The following PDE4D variants were observed in gnomAD, a reference collection of about 807,000 sequenced individuals.
The protein encoded by PDE4D is phosphodiesterase 4D, also known as 3',5'-cyclic-AMP phosphodiesterase 4D.
PDE4D carries 24 observed loss-of-function variants against 87.4 expected under a neutral mutation model. That is an observed-to-expected ratio of 0.27 (90% CI 0.20 to 0.39). The LOEUF is 0.39. PDE4D is among the 10% of genes least tolerant of loss of function. PDE4D has a pLI of 1.00. For missense variants in PDE4D, 714 were observed against 1,041.0 expected (o/e 0.69, Z 4.32); for synonymous variants, 384 against 383.2 (o/e 1.00, Z -0.02).
intron 1 of PDE4D, among the ~76,000 whole-genome samples, chr5:59,461,571 A>T (rs897761980): frequency 6.6e-6 from 1 of 152,182 alleles, no homozygotes; most frequent in African/African-American, 2.4e-5. Flanking sequence ...ATCAGTTAAG[A>T]ACAATGCAAG....
chr5:60,039,604 AT>A (rs1299230004), intron 2 of PDE4D, among the ~76,000 whole-genome samples: 13 of 151,800 alleles, frequency 8.6e-5, no homozygotes, highest in South Asian at 2.1e-4. Context: ...AAGAAAAAAA[AT>A]AAAAAAAATA....
At chr5:59,406,372 CCTT>C in intron 1 of PDE4D, among the ~76,000 whole-genome samples, 1 of 88,888 alleles carries the variant, frequency 1.1e-5, no homozygotes, top group Non-Finnish European at 2.5e-5. Context: ...GTAACGTCTC[CCTT>C]ATCTTTCCTT....
chr5:59,488,121 G>A (rs968367418), intron 1 of PDE4D, among the ~76,000 whole-genome samples: 14 of 146,148 alleles, frequency 9.6e-5, no homozygotes, highest in East Asian at 4.0e-4. Context: ...CTATTTACCC[G>A]TGGAGACAGA....
At chr5:59,610,258 G>T (rs1214447644) in intron 1 of PDE4D, among the ~76,000 whole-genome samples, 2 of 152,186 alleles carry the variant, frequency 1.3e-5, no homozygotes, top group African/African-American at 4.8e-5. Context: ...AGTTACTGAG[G>T]TTTATGCTGG....
chr5:60,249,475 C>T (rs1420532476), intron 1 of PDE4D, among the ~76,000 whole-genome samples: 2 of 151,892 alleles, frequency 1.3e-5, no homozygotes, highest in African/African-American at 4.8e-5. Context: ...AATCATTTTC[C>T]AAGACACCTC....
intron 5 of PDE4D, among the ~76,000 whole-genome samples, chr5:59,173,938 A>G (rs1783418342): frequency 6.6e-6 from 1 of 152,160 alleles, no homozygotes; most frequent in Admixed American, 6.5e-5. Context: ...TTTTTAAAAA[A>G]CTATATATAC....
At chr5:59,972,040 G>A (rs142207702) in intron 3 of PDE4D, among the ~76,000 whole-genome samples, 198 of 152,242 alleles carry the variant, frequency 1.3e-3, no homozygotes, top group African/African-American at 4.3e-3. Context: ...ACTGCTCTTC[G>A]CCACACTGTC....
chr5:59,805,770 G>C (rs191786576), intron 1 of PDE4D, among the ~76,000 whole-genome samples: 1 of 152,212 alleles, frequency 6.6e-6, no homozygotes, highest in Non-Finnish European at 1.5e-5. Context: ...AGTTTCTGAC[G>C]ATGCAAGGCA....
At position 59,178,851 on chromosome 5, in the gene PDE4D, T is replaced by C. The variant is rs147596441; in HGVS notation, c.808+1744A>G. On this transcript the variant is annotated intron_variant, in intron 5 of 14. Transcript: ENST00000340635. ...GGGGGTTGAGGGTAGTTCCTCTTGA[T>C]AGGGGTCAGATTTAGTGCCTGGAGC... Among the ~76,000 whole-genome samples the C allele has an allele frequency of 1.5e-3, 234 of 152,228 alleles. 1 individual carries two copies. The highest frequency in any genetic ancestry group is 5.4e-3 in the African/African-American group (225 of 41,544).
At chr5:59,136,027 T>TTAA (rs1424046235) in intron 5 of PDE4D, among the ~76,000 whole-genome samples, 1 of 149,284 alleles carries the variant, frequency 6.7e-6, no homozygotes, top group East Asian at 2.0e-4. Flanking sequence ...GACTAAATGA[T>TTAA]AAAAAAAAAA....
intron 1 of PDE4D, among the ~76,000 whole-genome samples, chr5:60,481,238 T>C (rs1039263409): frequency 3.9e-5 from 6 of 152,166 alleles, no homozygotes; most frequent in African/African-American, 1.4e-4. Context: ...AGGACTAAAA[T>C]TGGTTTGACA....
At chr5:60,046,101 C>A (rs939986785) in intron 2 of PDE4D, among the ~76,000 whole-genome samples, 4 of 152,094 alleles carry the variant, frequency 2.6e-5, no homozygotes, top group Non-Finnish European at 5.9e-5. Flanking sequence ...AAGTTGGATT[C>A]CTAGGTATTT....
At chr5:59,263,335 A>G (rs1445954) in intron 1 of PDE4D, among the ~76,000 whole-genome samples, 42,028 of 151,630 alleles carry the variant, frequency 0.28, 6,301 homozygotes, top group Admixed American at 0.37. Context: ...GAGACAGAAG[A>G]CAATAATTGT....
chr5:59,215,588 T>TGTGTGC, intron 2 of PDE4D, 189 bp downstream of exon 2: 1 of 549,690 alleles, frequency 1.8e-6, no homozygotes, highest in South Asian at 2.0e-5. Context: ...TGTGTGTGTG[T>TGTGTGC]TAATCAAGAG....
intron 2 of PDE4D, among the ~76,000 whole-genome samples, chr5:60,094,547 G>A (rs1414124580): frequency 7.2e-6 from 1 of 139,430 alleles, no homozygotes; most frequent in African/African-American, 2.6e-5. Context: ...AAGTTAAGAT[G>A]AAATCATTAG....
intron 2 of PDE4D, among the ~76,000 whole-genome samples, chr5:59,992,887 C>A (rs1373012473): frequency 6.6e-6 from 1 of 152,042 alleles, no homozygotes; most frequent in East Asian, 1.9e-4. Flanking sequence ...AGGCTTTTTT[C>A]ACACTCTAGA....
chr5:59,803,612 C>G (rs550301761), intron 1 of PDE4D, among the ~76,000 whole-genome samples: 18 of 152,256 alleles, frequency 1.2e-4, no homozygotes, highest in African/African-American at 4.3e-4. Flanking sequence ...GCAATGAGTT[C>G]TTACAACCAC....
At chr5:59,002,974 T>A (rs1394288170) in intron 6 of PDE4D, among the ~76,000 whole-genome samples, 1 of 152,232 alleles carries the variant, frequency 6.6e-6, no homozygotes, top group African/African-American at 2.4e-5. Context: ...ACAATGATCA[T>A]TATGATAATC....
At chr5:60,439,279 TG>T (rs35854423) in intron 1 of PDE4D, among the ~76,000 whole-genome samples, 24,993 of 152,064 alleles carry the variant, frequency 0.16, 2,350 homozygotes, top group African/African-American at 0.25. Context: ...CCCAGAAAAT[TG>T]ATACAAATGG....
Sources: gnomAD v4.1 joint callset for allele counts (sites outside exome capture counted in the v4.1 genomes callset) on GRCh38, gnomAD v4.1.1 for gene constraint, MANE v1.5 for transcripts, NCBI Gene and HGNC (gene_info 2026-07-23, HGNC 2026-07-21) for gene names.